MIS18BP1: variants seen among roughly 807,000 people sequenced by gnomAD.
MIS18BP1 encodes the protein mis18-binding protein 1.
In MIS18BP1, 72 loss-of-function variants were observed where a neutral mutation model predicts 116.1. The ratio of observed to expected loss-of-function variants is 0.62; its 90% CI spans 0.51 to 0.75. The LOEUF is 0.75. MIS18BP1 is among the 30% of genes least tolerant of loss of function. The pLI, the probability that MIS18BP1 is intolerant of heterozygous loss-of-function variation, is 0.00. For missense variants in MIS18BP1, 1,363 were observed against 1,303.2 expected, an observed-to-expected ratio of 1.05 and a Z score of -0.71; for synonymous variants, 386 against 427.0, an observed-to-expected ratio of 0.90 and a Z score of 1.18.
intron 4 of MIS18BP1, 105 bp from the exon 5 acceptor site, chr14:45,237,826 T>C: frequency 1.4e-6 from 2 of 1,407,148 alleles, no homozygotes; most frequent in Non-Finnish European, 1.9e-6. Flanking sequence ...GTAATCCAAA[T>C]ATTCCTTAGT....
intron 15 of MIS18BP1, among the ~76,000 whole-genome samples, chr14:45,205,371 C>T (rs1394157862): frequency 6.6e-6 from 1 of 152,030 alleles, no homozygotes; most frequent in Non-Finnish European, 1.5e-5. Flanking sequence ...AGGGGGTTCC[C>T]ATAAGTTACC....
chr14:45,250,303 A>G (rs1256972476), intron 1 of MIS18BP1, among the ~76,000 whole-genome samples: 1 of 152,166 alleles, frequency 6.6e-6, no homozygotes, highest in Non-Finnish European at 1.5e-5. Flanking sequence ...ATCGTCTACA[A>G]TTTCCTCTGA....
chr14:45,213,861 G>A (rs1890741593), intron 13 of MIS18BP1, among the ~76,000 whole-genome samples: 1 of 152,218 alleles, frequency 6.6e-6, no homozygotes, highest in Non-Finnish European at 1.5e-5. Flanking sequence ...CCCCAATCCT[G>A]TGCTCACAGA....
chr14:45,212,294 A>G (rs913802584), intron 13 of MIS18BP1, among the ~76,000 whole-genome samples: 1 of 152,076 alleles, frequency 6.6e-6, no homozygotes, highest in African/African-American at 2.4e-5. Context: ...CCCACTGACT[A>G]AATTGGAAAC....
intron 5 of MIS18BP1, among the ~76,000 whole-genome samples, chr14:45,236,795 T>C (rs941305578): frequency 4.6e-5 from 7 of 152,166 alleles, no homozygotes; most frequent in African/African-American, 1.7e-4. Flanking sequence ...CCATTATCCA[T>C]ATTGCACAAA....
chr14:45,246,669 G>A (rs964702235), intron 2 of MIS18BP1, 74 bp downstream of exon 2: 3 of 1,399,998 alleles, frequency 2.1e-6, no homozygotes, highest in African/African-American at 1.5e-5. Context: ...GCTATATTCT[G>A]AGCACCTAAA....
intron 13 of MIS18BP1, among the ~76,000 whole-genome samples, 200 bp from the exon 14 acceptor site, chr14:45,210,728 A>C (rs1890651654): frequency 6.6e-6 from 1 of 152,236 alleles, no homozygotes; most frequent in South Asian, 2.1e-4. Context: ...CTTCTGATTA[A>C]ACCTGGATCT....
At chr14:45,241,192 G>A (rs916139970) in intron 4 of MIS18BP1, among the ~76,000 whole-genome samples, 2 of 152,190 alleles carry the variant, frequency 1.3e-5, no homozygotes, top group Non-Finnish European at 2.9e-5. Flanking sequence ...ATTAATGGCT[G>A]GATGCAGTGG....
intron 1 of MIS18BP1, among the ~76,000 whole-genome samples, chr14:45,251,096 C>T (rs1344898649): frequency 2.0e-5 from 3 of 150,080 alleles, no homozygotes; most frequent in Non-Finnish European, 4.4e-5. Context: ...TCATGCACTG[C>T]ATAATGACAT....
At chr14:45,236,959 G>T (rs1224192146) in intron 5 of MIS18BP1, among the ~76,000 whole-genome samples, 1 of 150,268 alleles carries the variant, frequency 6.7e-6, no homozygotes, top group Non-Finnish European at 1.5e-5. Context: ...GGACAATACA[G>T]ATTTTACACA....
At chr14:45,227,909 G>A in intron 8 of MIS18BP1, 95 bp from the exon 9 acceptor site, 9 of 1,253,588 alleles carry the variant, frequency 7.2e-6, no homozygotes, top group Non-Finnish European at 9.0e-6. Flanking sequence ...AGGTGTGGTG[G>A]CTCACGCCTG....
intron 15 of MIS18BP1, among the ~76,000 whole-genome samples, chr14:45,204,816 CATG>C (rs1410760379): frequency 6.6e-6 from 1 of 151,934 alleles, no homozygotes; most frequent in East Asian, 1.9e-4. Context: ...CACAATTTAT[CATG>C]ATTATATATA....
At chr14:45,214,509 G>A (rs1033128398) in intron 13 of MIS18BP1, among the ~76,000 whole-genome samples, 1 of 152,070 alleles carries the variant, frequency 6.6e-6, no homozygotes, top group Non-Finnish European at 1.5e-5. Flanking sequence ...AAATACTGAG[G>A]GAACTCAGAG....
At chr14:45,216,524 C>T (rs546648383) in intron 13 of MIS18BP1, among the ~76,000 whole-genome samples, 3 of 152,200 alleles carry the variant, frequency 2.0e-5, no homozygotes, top group Admixed American at 2.0e-4. Flanking sequence ...ATTCCAGTAA[C>T]ATTTGAATGA....
At chr14:45,231,598 C>A (rs1891279884) in intron 7 of MIS18BP1, among the ~76,000 whole-genome samples, 1 of 152,170 alleles carries the variant, frequency 6.6e-6, no homozygotes, top group Non-Finnish European at 1.5e-5. Context: ...CTGCCAGTTG[C>A]CTGTTTTTGT....
Position 45,227,721 on chromosome 14 carries a change from G to A in MIS18BP1, c.1688C>T (p.Pro563Leu). The change falls in exon 9 of 17, where the codon CCA becomes CTA. Residue 563 changes from proline to leucine, a missense_variant. By Grantham distance (98) the Pro-to-Leu change is moderately conservative (BLOSUM62 -3). Coordinates refer to ENST00000310806, the MANE Select transcript of MIS18BP1 (RefSeq NM_018353.5). ...NCQNKPTLRF[P>L]DDQVNNTIQN... ...AATAGTATTATTTACTTGGTCATCT[G>A]GGAACCTTAATGTTGGTTTATTTTG... The A allele has an allele frequency of 6.2e-7, 1 of 1,613,778 alleles. No individual in the cohort carries two copies. The highest frequency in any genetic ancestry group is 1.1e-5 in the South Asian group (1 of 91,058).
intron 11 of MIS18BP1, 100 bp downstream of exon 11, chr14:45,223,818 T>A (rs938588412): frequency 4.4e-5 from 37 of 842,972 alleles, no homozygotes; most frequent in Middle Eastern, 3.0e-4. Context: ...CCCTTTTTTT[T>A]AATGACATCT....
rs1274444356 is a variant in MIS18BP1, at chr14:45,223,933, A to G, written c.2654T>C (p.Leu885Ser). ...AACTACTTACCAATGAAGTTTCTGTAACTCCTTCTCATTCCATTCCTTATC... is the reference window on the plus strand; with the variant it reads ...AACTACTTACCAATGAAGTTTCTGTGACTCCTTCTCATTCCATTCCTTATC... ...IQDKEWNEKELQKLHCAFASL... is the reference protein window; with the variant it reads ...IQDKEWNEKESQKLHCAFASL... Residue 885 changes from leucine to serine, a missense_variant, in exon 11 of 17, where the codon TTA (leucine) becomes TCA (serine). Physicochemically the swap from Leu to Ser is moderately radical, Grantham distance 145 (BLOSUM62 -2). Coordinates refer to ENST00000310806, the MANE Select transcript of MIS18BP1 (RefSeq NM_018353.5). 2.5e-6 allele frequency: 4 copies of G among 1,577,778 alleles called. No individual in the cohort carries two copies. The highest frequency in any genetic ancestry group is 3.4e-6 in the Non-Finnish European group (4 of 1,168,002).
intron 11 of MIS18BP1, among the ~76,000 whole-genome samples, chr14:45,221,137 A>G (rs138194334): frequency 0.044 from 6,578 of 151,128 alleles, 325 homozygotes; most frequent in African/African-American, 0.13. Flanking sequence ...TCTGTCTCCA[A>G]AAAGAAAAAA....
Sources: allele counts gnomAD v4.1 joint callset (sites outside exome capture counted in the v4.1 genomes callset), GRCh38; gene constraint gnomAD v4.1.1; transcripts MANE v1.5; gene names NCBI Gene and HGNC (gene_info 2026-07-23, HGNC 2026-07-21).